Variants in SYNRG observed in about 807,000 individuals in gnomAD.
SYNRG encodes synergin gamma, also known as AP1 gamma subunit binding protein 1.
A neutral mutation model predicts 130.9 loss-of-function variants in SYNRG; 37 were observed. The ratio of observed to expected loss-of-function variants is 0.28; its 90% CI spans 0.22 to 0.37. The LOEUF (loss-of-function observed/expected upper bound fraction) is 0.37, where lower values mean the gene tolerates loss of function less well. SYNRG is among the 10% of genes least tolerant of loss of function. SYNRG has a pLI of 1.00. For synonymous variants in SYNRG, 539 were observed against 568.1 expected, an observed-to-expected ratio of 0.95 and a Z score of 0.73; for missense variants, 1,338 against 1,588.9, an observed-to-expected ratio of 0.84 and a Z score of 2.68.
Position 37,579,438 on chromosome 17 carries a change from C to A in SYNRG, c.590-1825G>T. ...GAATGAGATGATGTGGGGCAATCTG[C>A]AAAATGGAAAATGGCAATGAAACAC... On this transcript the variant is annotated intron_variant, in intron 6 of 21. Coordinates refer to ENST00000612223, the MANE Select transcript of SYNRG (RefSeq NM_007247.6). 4 of 1,301,972 alleles carry A rather than the reference C, an allele frequency of 3.1e-6. No individual in the cohort carries two copies. In the South Asian group the frequency reaches 3.7e-5, roughly 12 times the overall value. 80.7% of individuals were successfully genotyped at this position (1,301,972 alleles called of 1,614,324 possible).
Position 37,566,249 on chromosome 17 carries a change from A to G in SYNRG, c.1481+2542T>C, listed in dbSNP as rs538821754. Among the ~76,000 whole-genome samples, 10 of 149,050 alleles carry G rather than the reference A, an allele frequency of 6.7e-5. No individual in the cohort carries two copies. In the East Asian group the frequency reaches 2.0e-3, roughly 29 times the overall value. ...CGGATGGTTGCCGTGTCTGTGTAGA[A>G]AGAAGTAGACATGGGAGACTTTTCA... On this transcript the variant is annotated intron_variant, in intron 11 of 21. Transcript: ENST00000612223.
In SYNRG at chr17:37,540,452, G is replaced by A. The variant is rs757818968; in HGVS notation, c.3294C>T (p.Ser1098=). ...PALEQPFRDR[S]NTLNEKPALP... ...GGGCGGGCTTCTCATTCAGAGTATT[G>A]GAACGGTCTCTGAAAGGCTGCTCCA... is the stretch of plus-strand genomic sequence containing the variant. The change falls in exon 16 of 22, where the codon TCC becomes TCT. Residue 1098 remains serine (S), a synonymous_variant. Transcript: ENST00000612223. The A allele has an allele frequency of 2.5e-6, 4 of 1,613,870 alleles. No individual in the cohort carries two copies. The highest frequency in any genetic ancestry group is 3.3e-5 in the Admixed American group (2 of 59,984).
At chr17:37,575,456 A>C (rs201268765) in intron 8 of SYNRG, among the ~76,000 whole-genome samples, 1 of 131,342 alleles carries the variant, frequency 7.6e-6, no homozygotes, top group Admixed American at 7.6e-5. Context: ...AAAATTAAAA[A>C]TAAATTTTTT....
chr17:37,554,547 T>C (rs1228659718), intron 13 of SYNRG, among the ~76,000 whole-genome samples: 1 of 152,240 alleles, frequency 6.6e-6, no homozygotes, highest in Non-Finnish European at 1.5e-5. Flanking sequence ...ATTCAGGATG[T>C]ACAACACTTG....
At position 37,527,567 on chromosome 17, in the gene SYNRG, A is replaced by G. The variant is rs367570669; in HGVS notation, c.3667-6919T>C. Among the ~76,000 whole-genome samples the G allele has an allele frequency of 3.0e-4, 45 of 152,336 alleles. 1 individual carries two copies. In the East Asian group the frequency reaches 6.6e-3, roughly 22 times the overall value. ...CATCTGTGGGTTCAACCAACCTCAGATCAAAAATATTCGGAGGAAAAAATA... is the reference window on the plus strand; with the variant it reads ...CATCTGTGGGTTCAACCAACCTCAGGTCAAAAATATTCGGAGGAAAAAATA... On this transcript the variant is annotated intron_variant, in intron 19 of 21. Transcript: ENST00000612223.
chr17:37,521,695 A>C (rs1223191065), intron 19 of SYNRG, among the ~76,000 whole-genome samples: 1 of 152,172 alleles, frequency 6.6e-6, no homozygotes, highest in Non-Finnish European at 1.5e-5. Context: ...CCTCAGCCAG[A>C]AGTCTGCTGT....
At chr17:37,541,027 T>C (rs760770731) in intron 15 of SYNRG, 1 of 986,882 alleles carries the variant, frequency 1.0e-6, no homozygotes, top group Non-Finnish European at 1.2e-6. Context: ...AAATCTTTTC[T>C]ACTGTTCTCT....
chr17:37,607,977 A>AAAAAAAAAAAAAG (rs1555802869), intron 1 of SYNRG, among the ~76,000 whole-genome samples: 1 of 121,608 alleles, frequency 8.2e-6, no homozygotes, highest in Admixed American at 8.8e-5. Flanking sequence ...AAAAAAAAAA[A>AAAAAAAAAAAAAG]AAACAAGACA....
chr17:37,607,553 C>T (rs1281464139), intron 1 of SYNRG, among the ~76,000 whole-genome samples: 1 of 152,112 alleles, frequency 6.6e-6, no homozygotes, highest in East Asian at 1.9e-4. Context: ...CTTTGGGAGG[C>T]CAAGGTGGGC....
chr17:37,519,931 A>G (rs1374400677), intron 21 of SYNRG, among the ~76,000 whole-genome samples: 1 of 152,214 alleles, frequency 6.6e-6, no homozygotes, highest in Admixed American at 6.5e-5. Context: ...CTGTCACCCC[A>G]TTCATCACAG....
At chr17:37,605,886 A>T in intron 1 of SYNRG, 1 of 985,394 alleles carries the variant, frequency 1.0e-6, no homozygotes, top group Non-Finnish European at 1.2e-6. Context: ...ACTAGGCTTC[A>T]CTTCTTAGGC....
At chr17:37,579,851 T>A (rs1468589425) in intron 6 of SYNRG, among the ~76,000 whole-genome samples, 1 of 151,748 alleles carries the variant, frequency 6.6e-6, no homozygotes, top group East Asian at 1.9e-4. Flanking sequence ...GCTAGGAATA[T>A]AGGCACATGC....
At chr17:37,606,507 T>C (rs2063763568) in intron 1 of SYNRG, among the ~76,000 whole-genome samples, 1 of 152,260 alleles carries the variant, frequency 6.6e-6, no homozygotes. Context: ...ACAGTTATTT[T>C]GTACATTCTC....
Position 37,571,890 on chromosome 17 carries a change from T to A in SYNRG, c.999A>T (p.Glu333Asp). ...PILMSSGLPR[E>D]TLGQIWALAN... ...CTAAGGCCCATATCTGTCCAAGAGT[T>A]TCCCTGGGAAGCCCAGATGACATCA... Residue 333 changes from glutamate (E) to aspartate (D), a missense_variant, in exon 9 of 22, where the codon GAA becomes GAT. Physicochemically the swap from Glu to Asp is conservative, Grantham distance 45. Transcript: ENST00000612223. 1 of 1,614,208 alleles carries A rather than the reference T, an allele frequency of 6.2e-7. No individual in the cohort carries two copies. The highest frequency in any genetic ancestry group is 8.5e-7 in the Non-Finnish European group (1 of 1,180,024).
chr17:37,521,466 TA>T (rs931815026), intron 19 of SYNRG, among the ~76,000 whole-genome samples: 13 of 151,884 alleles, frequency 8.6e-5, no homozygotes, highest in African/African-American at 2.9e-4. Context: ...GGCTCTGAGC[TA>T]AAGATGGGGT....
chr17:37,568,653 A>T, intron 11 of SYNRG, 138 bp downstream of exon 11: 1 of 915,746 alleles, frequency 1.1e-6, no homozygotes, highest in Non-Finnish European at 1.6e-6. Flanking sequence ...TAAAAGTATT[A>T]ATACAGAGGG....
At chr17:37,597,626 C>T (rs1348218006) in intron 2 of SYNRG, among the ~76,000 whole-genome samples, 1 of 152,224 alleles carries the variant, frequency 6.6e-6, no homozygotes, top group African/African-American at 2.4e-5. Flanking sequence ...AAATAGCCAT[C>T]AGCATGTGCA....
chr17:37,526,302 G>A (rs1345937547), intron 19 of SYNRG, among the ~76,000 whole-genome samples: 1 of 152,196 alleles, frequency 6.6e-6, no homozygotes, highest in Admixed American at 6.5e-5. Flanking sequence ...ACCAACTTGA[G>A]ATGGACACAT....
intron 3 of SYNRG, among the ~76,000 whole-genome samples, chr17:37,592,326 C>T (rs1351019998): frequency 1.3e-5 from 2 of 152,104 alleles, no homozygotes; most frequent in African/African-American, 4.8e-5. Context: ...ATAATTGAAC[C>T]TCTGATACAT....
Sources: gnomAD v4.1 joint callset for allele counts (sites outside exome capture counted in the v4.1 genomes callset) on GRCh38, gnomAD v4.1.1 for gene constraint, MANE v1.5 for transcripts, NCBI Gene and HGNC (gene_info 2026-07-23, HGNC 2026-07-21) for gene names.